LRRC4C: variants seen among roughly 807,000 people sequenced by gnomAD.
The protein encoded by LRRC4C is leucine-rich repeat-containing protein 4C.
In LRRC4C, 5 loss-of-function variants were observed where a neutral mutation model predicts 33.6. The observed-to-expected ratio is 0.15, with a 90% CI of 0.08 to 0.31. The LOEUF is 0.31. Among genes scored for constraint, LRRC4C ranks in the 10% least tolerant of loss-of-function variants. The probability of loss-of-function intolerance (pLI) is 1.00; values close to 1 mark genes in which losing one functional copy is unlikely to be tolerated. For missense variants in LRRC4C, 560 were observed against 796.7 expected (o/e 0.70, Z 3.58); for synonymous variants, 329 against 302.0 (o/e 1.09, Z -0.93).
At chr11:41,300,162 G>A (rs2137071230) in intron 1 of LRRC4C, among the ~76,000 whole-genome samples, 1 of 152,280 alleles carries the variant, frequency 6.6e-6, no homozygotes, top group South Asian at 2.1e-4. Context: ...AATTTGAAGT[G>A]TCACTGGGGA....
intron 2 of LRRC4C, among the ~76,000 whole-genome samples, chr11:40,912,362 A>G (rs140071054): frequency 0.013 from 1,997 of 152,314 alleles, 51 homozygotes; most frequent in African/African-American, 0.046. Context: ...CAGAAACTCT[A>G]CAAGCCAGAA....
intron 1 of LRRC4C, among the ~76,000 whole-genome samples, chr11:41,420,683 C>G (rs981164956): frequency 6.6e-6 from 1 of 151,972 alleles, no homozygotes; most frequent in Admixed American, 6.6e-5. Flanking sequence ...AGCCAGATTT[C>G]TTGGCTTTCA....
intron 1 of LRRC4C, among the ~76,000 whole-genome samples, chr11:41,080,662 C>A (rs528861432): frequency 2.0e-5 from 3 of 152,146 alleles, no homozygotes; most frequent in South Asian, 4.1e-4. Flanking sequence ...CTATCAGAAT[C>A]TTTTCTATTG....
intron 2 of LRRC4C, among the ~76,000 whole-genome samples, chr11:40,865,937 A>T (rs1257377323): frequency 6.6e-6 from 1 of 152,034 alleles, no homozygotes; most frequent in Admixed American, 6.6e-5. Context: ...GTTTGAAAAA[A>T]AAATCTGTAG....
intron 1 of LRRC4C, among the ~76,000 whole-genome samples, chr11:41,054,064 T>C (rs1481918543): frequency 6.6e-6 from 1 of 152,156 alleles, no homozygotes; most frequent in Non-Finnish European, 1.5e-5. Flanking sequence ...CAAAAACATG[T>C]GATGACAAGT....
chr11:40,345,393 C>G (rs938403703), intron 3 of LRRC4C, among the ~76,000 whole-genome samples: 2 of 151,930 alleles, frequency 1.3e-5, no homozygotes, highest in Admixed American at 6.6e-5. Flanking sequence ...GAAATAATGC[C>G]ATATTCATAC....
intron 1 of LRRC4C, among the ~76,000 whole-genome samples, chr11:41,283,117 A>T (rs1453514762): frequency 2.6e-5 from 4 of 152,170 alleles, no homozygotes; most frequent in African/African-American, 7.2e-5. Flanking sequence ...TCCTAAATAA[A>T]TTTTTATTAG....
At chr11:40,795,602 C>G (rs1212742567) in intron 2 of LRRC4C, among the ~76,000 whole-genome samples, 1 of 151,974 alleles carries the variant, frequency 6.6e-6, no homozygotes, top group East Asian at 1.9e-4. Context: ...TGCAGAAAGG[C>G]CCCAGAAGGG....
chr11:40,544,166 G>A (rs1431400744), intron 3 of LRRC4C, among the ~76,000 whole-genome samples: 1 of 152,042 alleles, frequency 6.6e-6, no homozygotes, highest in Non-Finnish European at 1.5e-5. Context: ...CTTTCATAAA[G>A]TAACTACAGT....
intron 1 of LRRC4C, among the ~76,000 whole-genome samples, chr11:41,317,399 A>G (rs1950828814): frequency 9.2e-5 from 14 of 152,176 alleles, no homozygotes; most frequent in Admixed American, 9.2e-4. Flanking sequence ...TATTCCCATA[A>G]TATTTCCCTA....
At chr11:40,787,323 C>T (rs547541427) in intron 2 of LRRC4C, among the ~76,000 whole-genome samples, 1 of 152,270 alleles carries the variant, frequency 6.6e-6, no homozygotes, top group Admixed American at 6.5e-5. Context: ...ACTAGTCTCA[C>T]TGTTGGGTGA....
At chr11:40,348,595 C>T (rs1458787917) in intron 3 of LRRC4C, among the ~76,000 whole-genome samples, 1 of 152,072 alleles carries the variant, frequency 6.6e-6, no homozygotes, top group Non-Finnish European at 1.5e-5. Context: ...ATTCTCATGA[C>T]CTGCATGCCT....
At chr11:40,207,236 G>A (rs1046822551) in intron 5 of LRRC4C, among the ~76,000 whole-genome samples, 1 of 152,080 alleles carries the variant, frequency 6.6e-6, no homozygotes, top group African/African-American at 2.4e-5. Context: ...TTTGGGTGAC[G>A]GAATATAAAC....
At chr11:40,422,288 T>G (rs1950549558) in intron 3 of LRRC4C, among the ~76,000 whole-genome samples, 1 of 152,150 alleles carries the variant, frequency 6.6e-6, no homozygotes, top group Admixed American at 6.5e-5. Context: ...GAGGTAGAAC[T>G]TAGTGATCAA....
At chr11:40,861,830 T>A (rs1412027353) in intron 2 of LRRC4C, among the ~76,000 whole-genome samples, 1 of 152,114 alleles carries the variant, frequency 6.6e-6, no homozygotes, top group Non-Finnish European at 1.5e-5. Flanking sequence ...ACCAGACATG[T>A]CACATGGTGA....
intron 2 of LRRC4C, among the ~76,000 whole-genome samples, chr11:40,842,249 C>T (rs1952946102): frequency 6.6e-6 from 1 of 152,146 alleles, no homozygotes; most frequent in Admixed American, 6.6e-5. Context: ...TTCCAATTAG[C>T]TCAGCCCCAT....
At chr11:40,412,758 C>A (rs1950197870) in intron 3 of LRRC4C, among the ~76,000 whole-genome samples, 1 of 152,050 alleles carries the variant, frequency 6.6e-6, no homozygotes, top group Non-Finnish European at 1.5e-5. Context: ...CCACCCCTGA[C>A]TTATTTTGTG....
chr11:40,387,899 T>A (rs1305402268), intron 3 of LRRC4C, among the ~76,000 whole-genome samples: 2 of 152,166 alleles, frequency 1.3e-5, no homozygotes, highest in Non-Finnish European at 2.9e-5. Flanking sequence ...TGAGGCTGGG[T>A]TAATTTCCAC....
At chr11:40,928,336 A>G (rs535053639) in intron 2 of LRRC4C, among the ~76,000 whole-genome samples, 11 of 151,590 alleles carry the variant, frequency 7.3e-5, no homozygotes, top group South Asian at 2.1e-4. Context: ...CACACAAAAT[A>G]AAAACATATT....
Sources: gnomAD v4.1 joint callset for allele counts (sites outside exome capture counted in the v4.1 genomes callset) on GRCh38, gnomAD v4.1.1 for gene constraint, MANE v1.5 for transcripts, NCBI Gene and HGNC (gene_info 2026-07-23, HGNC 2026-07-21) for gene names.